ARID2: variants seen among roughly 807,000 people sequenced by gnomAD.
ARID2 encodes AT-rich interaction domain 2, also known as AT-rich interactive domain-containing protein 2.
In ARID2, 32 loss-of-function variants were observed where a neutral mutation model predicts 184.6. The observed-to-expected ratio is 0.17, with a 90% CI of 0.13 to 0.23. The LOEUF (loss-of-function observed/expected upper bound fraction) is 0.23, where lower values mean the gene tolerates loss of function less well. Ranked by LOEUF, ARID2 falls within the 10% of genes least tolerant of loss-of-function variation. The pLI is 1.00. For synonymous variants in ARID2, 836 were observed against 772.6 expected (o/e 1.08, Z -1.36); for missense variants, 1,696 against 2,197.6 (o/e 0.77, Z 4.56).
In ARID2 at chr12:45,851,811, T is replaced by C. The variant is rs1449558732; in HGVS notation, c.3688T>C (p.Cys1230Arg). ...AGCATCTCCTGCTGGACAATCATCA[T>C]GTACTACTGCTACTCCCCCATTCAA... Reference protein sequence around the residue: ...TQASPAGQSSCTTATPPFKGD... With the variant: ...TQASPAGQSSRTTATPPFKGD... The change falls in exon 15 of 21, where the codon TGT (cysteine) becomes CGT (arginine). Residue 1230 changes from cysteine to arginine, a missense_variant. Physicochemically the swap from Cys to Arg is radical, Grantham distance 180. Around this residue, in one of 11 missense-constraint regions of ARID2, gnomAD observed 428 missense variants for 409.1 expected, o/e 1.05. Transcript: ENST00000334344. The C allele has an allele frequency of 6.2e-7, 1 of 1,614,136 alleles. No individual in the cohort carries two copies. The highest frequency in any genetic ancestry group is 1.1e-5 in the South Asian group (1 of 91,082).
chr12:45,791,431 C>T (rs573074738), intron 3 of ARID2, among the ~76,000 whole-genome samples: 9 of 152,072 alleles, frequency 5.9e-5, no homozygotes, highest in South Asian at 2.1e-4. Context: ...AAAGTTTTAT[C>T]CTTAATATAT....
intron 6 of ARID2, among the ~76,000 whole-genome samples, chr12:45,825,567 CTATTT>C (rs757742956): frequency 3.5e-4 from 54 of 152,210 alleles, no homozygotes; most frequent in African/African-American, 1.2e-3. Flanking sequence ...CTTTAGCAGT[CTATTT>C]TAAGTATTAT....
In ARID2 at chr12:45,906,837, T is replaced by C; in HGVS notation, c.*1759T>C. The C allele has an allele frequency of 4.3e-6, 1 of 232,210 alleles. No homozygotes were observed. Among genetic ancestry groups the C allele is most frequent in the East Asian group, 6.1e-5 (1 of 16,362 alleles). 14.4% of individuals were successfully genotyped at this position (232,210 alleles called of 1,614,324 possible). ...GCCTTTTTTTACTGGATACTGTACA[T>C]TTGGCTAAAAGCTTTTATTGTTTGA... On this transcript the variant is annotated 3_prime_UTR_variant, in exon 21 of 21. Coordinates refer to ENST00000334344, the MANE Select transcript of ARID2 (RefSeq NM_152641.4).
At position 45,734,530 on chromosome 12, in the gene ARID2, A is replaced by G. The variant is rs1592043077; in HGVS notation, c.284+3216A>G. Among the ~76,000 whole-genome samples, 3 of 152,198 alleles carry G rather than the reference A, an allele frequency of 2.0e-5. No individual in the cohort carries two copies. In the East Asian group the frequency reaches 5.8e-4, roughly 29 times the overall value. On this transcript the variant is annotated intron_variant, in intron 3 of 20. Transcript: ENST00000334344. ...GGATATTCCTATAGTATGAAAGGAT[A>G]AGGTATAGTTTCCCACATTTTGTAG... is the stretch of plus-strand genomic sequence containing the variant.
intron 6 of ARID2, among the ~76,000 whole-genome samples, chr12:45,822,124 G>A (rs1942909778): frequency 6.6e-6 from 1 of 152,086 alleles, no homozygotes; most frequent in Admixed American, 6.6e-5. Context: ...TAAAACTCAT[G>A]AGATACATTC....
At chr12:45,774,616 C>T (rs1296770633) in intron 3 of ARID2, among the ~76,000 whole-genome samples, 1 of 152,072 alleles carries the variant, frequency 6.6e-6, no homozygotes, top group East Asian at 1.9e-4. Context: ...ATGAGCGTCC[C>T]AATATGCAGC....
At chr12:45,877,828 T>C (rs1944035842) in intron 16 of ARID2, among the ~76,000 whole-genome samples, 1 of 152,220 alleles carries the variant, frequency 6.6e-6, no homozygotes, top group East Asian at 1.9e-4. Flanking sequence ...CTAACACTCT[T>C]CCTTACTCTA....
At chr12:45,738,179 G>A (rs1290492025) in intron 3 of ARID2, among the ~76,000 whole-genome samples, 1 of 151,916 alleles carries the variant, frequency 6.6e-6, no homozygotes, top group African/African-American at 2.4e-5. Context: ...AATTTTGTTG[G>A]TCTGTCCTGG....
At chr12:45,853,330 G>T (rs1415217074) in intron 15 of ARID2, among the ~76,000 whole-genome samples, 1 of 152,100 alleles carries the variant, frequency 6.6e-6, no homozygotes, top group African/African-American at 2.4e-5. Flanking sequence ...TAATAAGGAT[G>T]AATCTTGTAA....
intron 3 of ARID2, among the ~76,000 whole-genome samples, chr12:45,765,702 T>C (rs927187883): frequency 3.9e-5 from 6 of 152,192 alleles, no homozygotes; most frequent in South Asian, 2.1e-4. Context: ...TTGTACAGTT[T>C]AGCTTTTTGA....
At chr12:45,785,872 A>G (rs1042809256) in intron 3 of ARID2, among the ~76,000 whole-genome samples, 2 of 152,200 alleles carry the variant, frequency 1.3e-5, no homozygotes, top group Non-Finnish European at 1.5e-5. Flanking sequence ...GATCCAGTGA[A>G]ATAATAGATT....
chr12:45,788,122 G>A (rs956126918), intron 3 of ARID2, among the ~76,000 whole-genome samples: 6 of 152,052 alleles, frequency 3.9e-5, no homozygotes, highest in East Asian at 3.8e-4. Context: ...ACATTTAAAC[G>A]TAGAACTTTA....
At chr12:45,904,269 C>A (rs1195726355) in intron 20 of ARID2, 1 of 689,942 alleles carries the variant, frequency 1.4e-6, no homozygotes, top group Non-Finnish European at 2.7e-6. Flanking sequence ...ATTTTAATTT[C>A]ATGTCATCCC....
At chr12:45,844,770 G>A (rs1943412495) in intron 11 of ARID2, among the ~76,000 whole-genome samples, 1 of 152,174 alleles carries the variant, frequency 6.6e-6, no homozygotes, top group African/African-American at 2.4e-5. Flanking sequence ...TATGGACAGA[G>A]TTATTTTGCT....
chr12:45,831,348 A>G (rs567167932), intron 6 of ARID2, among the ~76,000 whole-genome samples: 2 of 152,108 alleles, frequency 1.3e-5, no homozygotes, highest in East Asian at 3.9e-4. Flanking sequence ...TCTCATTTCC[A>G]CTGTGATTTC....
At chr12:45,893,292 C>A in intron 18 of ARID2, 128 bp from the exon 19 acceptor site, 3 of 1,165,072 alleles carry the variant, frequency 2.6e-6, no homozygotes, top group Admixed American at 3.0e-5. Flanking sequence ...ACCATTGGAC[C>A]TTTAGTCACC....
At chr12:45,860,336 A>T (rs957887849) in intron 15 of ARID2, among the ~76,000 whole-genome samples, 2 of 152,236 alleles carry the variant, frequency 1.3e-5, no homozygotes, top group East Asian at 3.8e-4. Flanking sequence ...CATTATTGCT[A>T]TCTAAAATTT....
intron 16 of ARID2, among the ~76,000 whole-genome samples, chr12:45,867,482 C>G (rs1283066043): frequency 6.7e-6 from 1 of 149,608 alleles, no homozygotes; most frequent in Admixed American, 6.7e-5. Context: ...GTGGCTCATG[C>G]CTGTAATCCC....
chr12:45,790,851 T>C (rs183502769), intron 3 of ARID2, among the ~76,000 whole-genome samples: 2 of 152,340 alleles, frequency 1.3e-5, no homozygotes, highest in South Asian at 2.1e-4. Context: ...TGATTTTTTT[T>C]AATAATTCCC....
Sources: allele counts gnomAD v4.1 joint callset (sites outside exome capture counted in the v4.1 genomes callset), GRCh38; gene constraint gnomAD v4.1.1; regional missense constraint gnomAD v4.1.1; transcripts MANE v1.5; gene names NCBI Gene and HGNC (gene_info 2026-07-23, HGNC 2026-07-21).